The following AGBL1 variants were observed in gnomAD, a reference collection of about 807,000 sequenced individuals.
AGBL1 encodes the protein cytosolic carboxypeptidase 4.
AGBL1 carries 130 observed loss-of-function variants against 118.9 expected under a neutral mutation model. The ratio of observed to expected loss-of-function variants is 1.09; its 90% CI spans 0.95 to 1.26. The LOEUF (loss-of-function observed/expected upper bound fraction) is 1.26. Among genes scored for constraint, AGBL1 ranks in the 50% most tolerant of loss-of-function variants. The pLI is 0.00. For synonymous variants in AGBL1, 555 were observed against 478.9 expected, an observed-to-expected ratio of 1.16 and a Z score of -2.08; for missense variants, 1,584 against 1,298.1, an observed-to-expected ratio of 1.22 and a Z score of -3.38.
At chr15:86,629,432 T>C (rs2084933206) in intron 21 of AGBL1, among the ~76,000 whole-genome samples, 1 of 152,192 alleles carries the variant, frequency 6.6e-6, no homozygotes. Context: ...AGTCAGTTTG[T>C]CTGTGTGAAC....
At chr15:86,481,670 T>C (rs1210902939) in intron 18 of AGBL1, among the ~76,000 whole-genome samples, 1 of 152,132 alleles carries the variant, frequency 6.6e-6, no homozygotes, top group African/African-American at 2.4e-5. Flanking sequence ...TCCTATATCA[T>C]TGATTATTTA....
At chr15:86,238,218 C>G (rs569106835) in intron 6 of AGBL1, among the ~76,000 whole-genome samples, 1 of 152,164 alleles carries the variant, frequency 6.6e-6, no homozygotes. Flanking sequence ...TATCTGCCTC[C>G]CCCTGCCACT....
chr15:86,308,568 A>T (rs2079875141), intron 17 of AGBL1, among the ~76,000 whole-genome samples: 1 of 152,218 alleles, frequency 6.6e-6, no homozygotes, highest in African/African-American at 2.4e-5. Context: ...TCTTACATTT[A>T]TGTTTTAAAT....
At chr15:86,980,362 C>T (rs1245446694) in intron 23 of AGBL1, among the ~76,000 whole-genome samples, 3 of 152,114 alleles carry the variant, frequency 2.0e-5, no homozygotes, top group Admixed American at 6.6e-5. Flanking sequence ...TTGCCACCTG[C>T]GGGAGCATTC....
At chr15:86,960,090 T>C (rs568063523) in intron 23 of AGBL1, among the ~76,000 whole-genome samples, 1 of 152,256 alleles carries the variant, frequency 6.6e-6, no homozygotes, top group East Asian at 1.9e-4. Context: ...CCTTTCTTTG[T>C]TGACTTGAAA....
intron 22 of AGBL1, among the ~76,000 whole-genome samples, chr15:86,739,689 A>G (rs1328526784): frequency 1.3e-5 from 2 of 152,128 alleles, no homozygotes; most frequent in Non-Finnish European, 2.9e-5. Flanking sequence ...GGCACTTGGA[A>G]AGTACAGGAA....
Position 86,199,532 on chromosome 15 carries a change from G to A in AGBL1, c.489-25382G>A, listed in dbSNP as rs368339817. Among the ~76,000 whole-genome samples, 5 of 152,306 alleles carry A rather than the reference G, an allele frequency of 3.3e-5. No individual in the cohort carries two copies. In the East Asian group the frequency reaches 7.7e-4, roughly 24 times the overall value. On this transcript the variant is annotated intron_variant, in intron 5 of 22. Coordinates refer to ENST00000614907, the MANE Select transcript of AGBL1 (RefSeq NM_001386094.1). ...CCCATGTGCTGGATGGTCCCCGTCTGGTCCTCGTGCACCTGAAGTGCTAAC... is the reference window on the plus strand; with the variant it reads ...CCCATGTGCTGGATGGTCCCCGTCTAGTCCTCGTGCACCTGAAGTGCTAAC...
rs2080370344 is a variant in AGBL1 at position 86,912,918 on chromosome 15, C to T, written c.*5624C>T. On this transcript the variant is annotated 3_prime_UTR_variant, in exon 23 of 23. Coordinates refer to ENST00000614907, the MANE Select transcript of AGBL1 (RefSeq NM_001386094.1). ...AGGGCTTTTCTGGGCAAAAATAATT[C>T]ATCAGCTCTGGAGCCTGCTGCTGTC... 1 of 152,166 alleles carries T rather than the reference C, an allele frequency of 6.6e-6. No homozygotes were observed. Among genetic ancestry groups the T allele is most frequent in the African/African-American group, 2.4e-5 (1 of 41,462 alleles). The allele number at this position is 152,166 out of a possible 1,614,324, so 9.4% of individuals were successfully genotyped here.
chr15:86,221,752 CT>C (rs77648155), intron 5 of AGBL1, among the ~76,000 whole-genome samples: 173 of 145,342 alleles, frequency 1.2e-3, no homozygotes, highest in Middle Eastern at 3.5e-3. Context: ...TATTTACAAA[CT>C]TTTTTTTTTT....
intron 5 of AGBL1, among the ~76,000 whole-genome samples, chr15:86,210,021 A>G (rs1282137389): frequency 6.6e-6 from 1 of 152,102 alleles, no homozygotes; most frequent in African/African-American, 2.4e-5. Flanking sequence ...TGGTGACAAA[A>G]TCTCTCAGCA....
At chr15:86,941,439 G>T (rs181332003) in intron 23 of AGBL1, among the ~76,000 whole-genome samples, 1 of 152,302 alleles carries the variant, frequency 6.6e-6, no homozygotes, top group Non-Finnish European at 1.5e-5. Flanking sequence ...CATAGAAATA[G>T]TAAACATGAC....
chr15:86,985,517 T>G (rs1020964199), intron 23 of AGBL1, among the ~76,000 whole-genome samples: 1 of 152,254 alleles, frequency 6.6e-6, no homozygotes, highest in African/African-American at 2.4e-5. Flanking sequence ...ATATGCTTAT[T>G]TGCCATCCTT....
Position 86,146,552 on chromosome 15 carries a change from T to C in AGBL1, c.262+2707T>C, listed in dbSNP as rs1394586977. Reference sequence around the variant, plus strand: ...AGTATTGCATGTCACATGCTTATCATATGTTCAGTGCCCTGGCAAACTAGG... The same window carrying C: ...AGTATTGCATGTCACATGCTTATCACATGTTCAGTGCCCTGGCAAACTAGG... On this transcript the variant is annotated intron_variant, in intron 3 of 22. Transcript: ENST00000614907. Among the ~76,000 whole-genome samples the C allele has an allele frequency of 5.9e-5, 9 of 152,334 alleles. 1 individual carries two copies. In the Middle Eastern group the frequency reaches 0.027, roughly 461 times the overall value.
chr15:86,801,745 C>T (rs1481625216), intron 22 of AGBL1, among the ~76,000 whole-genome samples: 1 of 152,106 alleles, frequency 6.6e-6, no homozygotes, highest in Non-Finnish European at 1.5e-5. Context: ...GTACATTTTA[C>T]ATGAAGATTT....
intron 22 of AGBL1, among the ~76,000 whole-genome samples, chr15:86,786,235 T>C (rs375851967): frequency 6.6e-6 from 1 of 152,074 alleles, no homozygotes; most frequent in African/African-American, 2.4e-5. Context: ...TAGGTATATC[T>C]CCTAAAGCTA....
chr15:87,022,020 G>T (rs2141804939), intron 24 of AGBL1, among the ~76,000 whole-genome samples: 1 of 152,168 alleles, frequency 6.6e-6, no homozygotes, highest in African/African-American at 2.4e-5. Context: ...TAGACTTGCT[G>T]GGTGGCTAGA....
intron 23 of AGBL1, among the ~76,000 whole-genome samples, chr15:86,962,191 A>C (rs928355194): frequency 2.6e-5 from 4 of 151,916 alleles, no homozygotes; most frequent in African/African-American, 9.7e-5. Context: ...ATAAATACAC[A>C]TGTAGACACA....
At chr15:86,412,015 G>A (rs1215998211) in intron 18 of AGBL1, among the ~76,000 whole-genome samples, 1 of 152,180 alleles carries the variant, frequency 6.6e-6, no homozygotes, top group Non-Finnish European at 1.5e-5. Flanking sequence ...CTTTAAAGGA[G>A]ACATTTGGCC....
At chr15:86,619,905 T>C (rs1185634414) in intron 21 of AGBL1, among the ~76,000 whole-genome samples, 1 of 152,218 alleles carries the variant, frequency 6.6e-6, no homozygotes, top group Non-Finnish European at 1.5e-5. Context: ...ACTTGATTTC[T>C]ACAAGAGTCT....
Sources: allele counts gnomAD v4.1 joint callset (sites outside exome capture counted in the v4.1 genomes callset), GRCh38; gene constraint gnomAD v4.1.1; transcripts MANE v1.5; gene names NCBI Gene and HGNC (gene_info 2026-07-23, HGNC 2026-07-21).